EXOC3L2: variants seen among roughly 807,000 people sequenced by gnomAD.
EXOC3L2 encodes exocyst complex component 3-like protein 2.
In EXOC3L2, 17 loss-of-function variants were observed where a neutral mutation model predicts 44.4. That is an observed-to-expected ratio of 0.38 (90% CI 0.26 to 0.57). The LOEUF (loss-of-function observed/expected upper bound fraction) is 0.57, where lower values mean the gene tolerates loss of function less well. Among genes scored for constraint, EXOC3L2 ranks in the 20% least tolerant of loss-of-function variants. The probability of loss-of-function intolerance (pLI) is 0.65; values close to 1 mark genes in which losing one functional copy is unlikely to be tolerated. For missense variants in EXOC3L2, 541 were observed against 588.4 expected, an observed-to-expected ratio of 0.92 and a Z score of 0.83; for synonymous variants, 256 against 253.7, an observed-to-expected ratio of 1.01 and a Z score of -0.09.
intron 11 of EXOC3L2, 148 bp from the exon 12 acceptor site, chr19:45,213,505 C>G: frequency 1.2e-6 from 1 of 853,982 alleles, no homozygotes; most frequent in Non-Finnish European, 1.8e-6. Flanking sequence ...GCCTTCCCTC[C>G]AATCAGCTCC....
At chr19:45,243,731 C>T (rs763948658) in intron 1 of EXOC3L2, among the ~76,000 whole-genome samples, 2 of 151,810 alleles carry the variant, frequency 1.3e-5, no homozygotes, top group Non-Finnish European at 1.5e-5. Context: ...AGGGTTCAAG[C>T]GATTTCTCCT....
rs964812052 is a variant in EXOC3L2, at chr19:45,238,536, C to T, written c.510G>A (p.Lys170=). The T allele has an allele frequency of 1.0e-5, 4 of 399,886 alleles. No homozygotes were observed. In the East Asian group the frequency reaches 1.4e-4, roughly 14 times the overall value. The allele number at this position is 399,886 out of a possible 1,614,324, so 24.8% of individuals were successfully genotyped here. The stretch of plus-strand genomic sequence containing the variant: ...CTCCGGACTCACCTGACAATGGCTC[C>T]TTCATCTTTGGGGGCTCTGGGACCT... The part of the protein sequence containing the change: ...PPKVPEPPKM[K]EPLSVLEILS... The change falls in exon 2 of 12, where the codon AAG becomes AAA. Residue 170 remains lysine (K), a synonymous_variant. Coordinates refer to ENST00000413988, the MANE Select transcript of EXOC3L2 (RefSeq NM_001382422.1). This position sits in a 1 kb window ranked among gnomAD's most constrained non-coding sequence, Gnocchi z 5.5.
At chr19:45,240,102 A>AT (rs34966417) in intron 1 of EXOC3L2, among the ~76,000 whole-genome samples, 23,661 of 125,952 alleles carry the variant, frequency 0.19, 2,956 homozygotes, top group South Asian at 0.28. Context: ...GCAAAGCCTA[A>AT]TTTTTTTTTT....
intron 8 of EXOC3L2, among the ~76,000 whole-genome samples, chr19:45,220,399 G>A (rs1010330230): frequency 6.6e-6 from 1 of 151,964 alleles, no homozygotes; most frequent in Non-Finnish European, 1.5e-5. Context: ...AAGCCCAGGT[G>A]GTTGAGGCTG....
chr19:45,231,003 C>A (rs1970025607), intron 4 of EXOC3L2, among the ~76,000 whole-genome samples: 1 of 151,812 alleles, frequency 6.6e-6, no homozygotes, highest in African/African-American at 2.4e-5. Flanking sequence ...GTGGGAAGAT[C>A]CCTTGAACCC....
intron 1 of EXOC3L2, among the ~76,000 whole-genome samples, chr19:45,242,731 G>A (rs1188863627): frequency 1.3e-5 from 2 of 152,018 alleles, no homozygotes; most frequent in East Asian, 1.9e-4. Flanking sequence ...GTGTGGTGGC[G>A]GGTGCCTGTA....
At chr19:45,241,858 C>T (rs181162887) in intron 1 of EXOC3L2, among the ~76,000 whole-genome samples, 35 of 152,362 alleles carry the variant, frequency 2.3e-4, no homozygotes, top group African/African-American at 8.2e-4. Flanking sequence ...GGGGACAGAT[C>T]TGTGTCCCTT....
intron 7 of EXOC3L2, 111 bp downstream of exon 7, chr19:45,227,551 T>C: frequency 3.6e-6 from 3 of 834,710 alleles, no homozygotes; most frequent in South Asian, 1.6e-5. Flanking sequence ...TAAGGTCCCA[T>C]GCTCAGACTC....
intron 4 of EXOC3L2, 112 bp downstream of exon 4, chr19:45,231,651 G>A (rs1970032908): frequency 1.1e-6 from 1 of 921,206 alleles, no homozygotes; most frequent in African/African-American, 1.7e-5. Flanking sequence ...AGTTCGTAAA[G>A]GGAAAAGGGA....
At position 45,234,366 on chromosome 19, in the gene EXOC3L2, G is replaced by A. The variant is rs1408490930; in HGVS notation, c.984C>T (p.Ala328=). The change falls in exon 3 of 12, where the codon GCC becomes GCT. Residue 328 remains alanine, a synonymous_variant. Transcript: ENST00000413988. This position sits in a 1 kb window ranked among gnomAD's most constrained non-coding sequence, Gnocchi z 5.0. ...CGGGCGCCAGGCGGCCCCGCACCAC[G>A]GCCATATCCTCCAGCAGCCGCGCCC... ...ALRARLLEDM[A]VVRGRLAPAY... is the part of the protein sequence containing the mutation. 10 of 348,802 alleles carry A rather than the reference G, an allele frequency of 2.9e-5. No individual in the cohort carries two copies. The highest frequency in any genetic ancestry group is 5.2e-5 in the Non-Finnish European group (10 of 194,092). The allele number at this position is 348,802 out of a possible 1,614,324, so 21.6% of individuals were successfully genotyped here.
intron 11 of EXOC3L2, among the ~76,000 whole-genome samples, chr19:45,214,963 G>A (rs1599759378): frequency 6.6e-6 from 1 of 151,748 alleles, no homozygotes; most frequent in African/African-American, 2.4e-5. Context: ...CAAGACCAGT[G>A]TGGTCAACTT....
chr19:45,220,637 G>C (rs1969886802), intron 8 of EXOC3L2, among the ~76,000 whole-genome samples: 1 of 152,090 alleles, frequency 6.6e-6, no homozygotes, highest in Non-Finnish European at 1.5e-5. Flanking sequence ...TGGCATTGGG[G>C]TTTATTCCAG....
At chr19:45,214,246 C>T (rs555595609) in intron 11 of EXOC3L2, among the ~76,000 whole-genome samples, 9 of 152,240 alleles carry the variant, frequency 5.9e-5, no homozygotes, top group Non-Finnish European at 1.3e-4. Context: ...AATTCCAGGA[C>T]CCCCACCCTC....
chr19:45,218,128 G>A (rs1045081956), intron 9 of EXOC3L2, 69 bp downstream of exon 9: 4 of 1,376,578 alleles, frequency 2.9e-6, no homozygotes, highest in South Asian at 1.5e-5. Context: ...CCCTCTTCCC[G>A]TCCCTTTCCC....
chr19:45,218,135 T>G lies in EXOC3L2; in HGVS notation c.1842+62A>C. Reference sequence around the variant, plus strand: ...CCAATCTCCCCTCTTCCCGTCCCTTTCCCCTTTCCTCCTCCCCTCTTTTCC... The same window carrying G: ...CCAATCTCCCCTCTTCCCGTCCCTTGCCCCTTTCCTCCTCCCCTCTTTTCC... On this transcript the variant is annotated intron_variant, in intron 9 of 11. Transcript: ENST00000413988. 8 of 1,307,958 alleles carry G rather than the reference T, an allele frequency of 6.1e-6. No individual in the cohort carries two copies. In the East Asian group the frequency reaches 9.0e-5, roughly 15 times the overall value. 81.0% of individuals were successfully genotyped at this position (1,307,958 alleles called of 1,614,324 possible). A position where few individuals can be genotyped will look rare whatever the true frequency, so the allele number is the denominator to read the frequency against.
intron 3 of EXOC3L2, among the ~76,000 whole-genome samples, chr19:45,233,976 C>T (rs944292860): frequency 6.6e-5 from 10 of 152,150 alleles, no homozygotes; most frequent in African/African-American, 2.4e-4. Context: ...GGACTGCAAG[C>T]GTCCATGGTA....
chr19:45,217,505 C>A, intron 10 of EXOC3L2, 23 bp downstream of exon 10: 2 of 1,562,838 alleles, frequency 1.3e-6, no homozygotes, highest in Non-Finnish European at 1.7e-6. Context: ...CTGAAACACC[C>A]CCAACCGCGT....
intron 1 of EXOC3L2, among the ~76,000 whole-genome samples, chr19:45,243,916 C>A (rs1295346557): frequency 6.6e-6 from 1 of 151,596 alleles, no homozygotes; most frequent in East Asian, 1.9e-4. Flanking sequence ...GTGTGAGCCA[C>A]CGCACTCTGT....
rs933073746 is a variant in EXOC3L2, at chr19:45,234,346, G to A, written c.1004C>T (p.Ala335Val). The change falls in exon 3 of 12, where the codon GCG becomes GTG. Residue 335 changes from alanine to valine, a missense_variant. Physicochemically the swap from Ala to Val is moderately conservative, Grantham distance 64. Transcript: ENST00000413988. This position sits in a 1 kb window ranked among gnomAD's most constrained non-coding sequence, Gnocchi z 5.0. The stretch of plus-strand genomic sequence containing the variant: ...GCCCAGGCCGGCGGGGTAGGCGGGC[G>A]CCAGGCGGCCCCGCACCACGGCCAT... Reference protein sequence around the residue: ...EDMAVVRGRLAPAYPAGLGAF... With the variant: ...EDMAVVRGRLVPAYPAGLGAF... 26 of 360,188 alleles carry A rather than the reference G, an allele frequency of 7.2e-5. No individual in the cohort carries two copies. The highest frequency in any genetic ancestry group is 5.5e-4 in the African/African-American group (26 of 46,952). 22.3% of individuals were successfully genotyped at this position (360,188 alleles called of 1,614,324 possible). A position where few individuals can be genotyped will look rare whatever the true frequency, so the allele number is the denominator to read the frequency against.
Sources: gnomAD v4.1 joint callset for allele counts (sites outside exome capture counted in the v4.1 genomes callset) on GRCh38, gnomAD v4.1.1 for gene constraint, Gnocchi (gnomAD v3.1) non-coding constraint, MANE v1.5 for transcripts, NCBI Gene and HGNC (gene_info 2026-07-23, HGNC 2026-07-21) for gene names.